Variants in AHCYL2 observed in about 807,000 individuals in gnomAD.
AHCYL2 encodes adenosylhomocysteinase like 2.
A neutral mutation model predicts 81.4 loss-of-function variants in AHCYL2; 28 were observed. The ratio of observed to expected loss-of-function variants is 0.34; its 90% CI spans 0.25 to 0.47. The LOEUF (loss-of-function observed/expected upper bound fraction) is 0.47. Ranked by LOEUF, AHCYL2 falls within the 20% of genes least tolerant of loss-of-function variation. The pLI, the probability that AHCYL2 is intolerant of heterozygous loss-of-function variation, is 1.00. For missense variants in AHCYL2, 551 were observed against 785.1 expected, an observed-to-expected ratio of 0.70 and a Z score of 3.56; for synonymous variants, 272 against 290.2, an observed-to-expected ratio of 0.94 and a Z score of 0.64.
intron 2 of AHCYL2, among the ~76,000 whole-genome samples, chr7:129,385,969 C>A (rs1795181899): frequency 6.6e-6 from 1 of 152,132 alleles, no homozygotes; most frequent in East Asian, 1.9e-4. Context: ...AGTACGGATT[C>A]AAAGAATAAA....
intron 1 of AHCYL2, among the ~76,000 whole-genome samples, chr7:129,264,727 G>A (rs1244981694): frequency 6.6e-6 from 1 of 152,186 alleles, no homozygotes; most frequent in Non-Finnish European, 1.5e-5. Flanking sequence ...CAAGGAACTC[G>A]AAGGCTAAGG....
chr7:129,353,346 G>A (rs1793633335), intron 1 of AHCYL2, among the ~76,000 whole-genome samples: 1 of 151,960 alleles, frequency 6.6e-6, no homozygotes, highest in African/African-American at 2.4e-5. Context: ...AACATGCCAA[G>A]TTCTTTCTTA....
intron 1 of AHCYL2, among the ~76,000 whole-genome samples, chr7:129,281,109 C>T (rs1373437286): frequency 1.3e-5 from 2 of 151,914 alleles, no homozygotes; most frequent in African/African-American, 4.8e-5. Flanking sequence ...ATGATCTGCC[C>T]ACCTTGGCCT....
intron 12 of AHCYL2, among the ~76,000 whole-genome samples, chr7:129,421,995 A>C (rs541928533): frequency 1.3e-5 from 2 of 152,232 alleles, no homozygotes; most frequent in African/African-American, 2.4e-5. Context: ...AATTTTATCA[A>C]ATGAGCCAAT....
At chr7:129,299,369 G>GCTTTTTTTTTTT (rs1797173366) in intron 1 of AHCYL2, among the ~76,000 whole-genome samples, 1 of 46,278 alleles carries the variant, frequency 2.2e-5, no homozygotes, top group African/African-American at 8.2e-5. Context: ...AGTCCAACTT[G>GCTTTTTTTTTTT]TTTTTTTTTT....
chr7:129,414,082 G>A (rs1197186333), intron 12 of AHCYL2, among the ~76,000 whole-genome samples: 2 of 152,222 alleles, frequency 1.3e-5, no homozygotes, highest in Non-Finnish European at 2.9e-5. Context: ...GATGAGATAA[G>A]TAGGTTGGTC....
intron 1 of AHCYL2, among the ~76,000 whole-genome samples, chr7:129,274,584 C>T (rs957838921): frequency 4.6e-5 from 7 of 152,160 alleles, no homozygotes; most frequent in Admixed American, 3.3e-4. Flanking sequence ...GCTTTAGTGA[C>T]TTGCTTAACC....
chr7:129,320,404 C>A (rs1158134144), intron 1 of AHCYL2, among the ~76,000 whole-genome samples: 1 of 152,146 alleles, frequency 6.6e-6, no homozygotes, highest in East Asian at 1.9e-4. Context: ...GCAACCTCTG[C>A]CTCCTGGGTT....
chr7:129,253,495 G>T (rs1795309303), intron 1 of AHCYL2, among the ~76,000 whole-genome samples: 1 of 152,230 alleles, frequency 6.6e-6, no homozygotes, highest in Non-Finnish European at 1.5e-5. Flanking sequence ...TATACTTAGT[G>T]CTTGTCCAAG....
chr7:129,334,733 T>C (rs984901726), intron 1 of AHCYL2, among the ~76,000 whole-genome samples: 19 of 152,098 alleles, frequency 1.2e-4, no homozygotes, highest in Non-Finnish European at 1.5e-5. Flanking sequence ...ACAAGCAGAA[T>C]TGAGAAATGC....
intron 1 of AHCYL2, among the ~76,000 whole-genome samples, chr7:129,304,433 T>C (rs1026389789): frequency 6.6e-6 from 1 of 152,228 alleles, no homozygotes; most frequent in Non-Finnish European, 1.5e-5. Flanking sequence ...CAGTGTTTCT[T>C]TGTTGATTTT....
intron 1 of AHCYL2, among the ~76,000 whole-genome samples, chr7:129,282,948 C>T (rs1409576913): frequency 6.6e-6 from 1 of 152,118 alleles, no homozygotes; most frequent in African/African-American, 2.4e-5. Flanking sequence ...AATACTCTAC[C>T]TCGTGCCTTG....
rs548316861 is a variant in AHCYL2 at position 129,347,462 on chromosome 7, A to G, written c.364-32176A>G. Among the ~76,000 whole-genome samples, 4 of 152,304 alleles carry G rather than the reference A, an allele frequency of 2.6e-5. No individual in the cohort carries two copies. In the South Asian group the frequency reaches 8.3e-4, roughly 32 times the overall value. ...AACTGCTCTTTAAACGTCTATTTTTAAAAACAGAACAGCTGTGATATGAAA... is the reference window on the plus strand; with the variant it reads ...AACTGCTCTTTAAACGTCTATTTTTGAAAACAGAACAGCTGTGATATGAAA... On this transcript the variant is annotated intron_variant, in intron 1 of 16. Transcript: ENST00000325006.
chr7:129,343,493 G>T (rs909163245), intron 1 of AHCYL2, among the ~76,000 whole-genome samples: 3 of 152,122 alleles, frequency 2.0e-5, no homozygotes, highest in East Asian at 1.9e-4. Flanking sequence ...GAAAGGGAGA[G>T]GGGGAGCTTA....
intron 8 of AHCYL2, 53 bp from the exon 9 acceptor site, chr7:129,405,783 C>T: frequency 6.5e-7 from 1 of 1,543,056 alleles, no homozygotes; most frequent in Non-Finnish European, 8.9e-7. Context: ...AATCTAACCT[C>T]AAGGGAGAAA....
intron 1 of AHCYL2, among the ~76,000 whole-genome samples, chr7:129,354,856 G>A (rs548455243): frequency 6.6e-6 from 1 of 152,296 alleles, no homozygotes; most frequent in African/African-American, 2.4e-5. Flanking sequence ...ATTGGCTCAT[G>A]ACCTTTAAAA....
At chr7:129,422,992 CCAGG>C in intron 13 of AHCYL2, 54 bp downstream of exon 13, 1 of 1,479,026 alleles carries the variant, frequency 6.8e-7, no homozygotes. Flanking sequence ...ACTGCAATAC[CCAGG>C]TCCCCTCCTC....
chr7:129,403,793 G>A (rs1263075200), intron 7 of AHCYL2, among the ~76,000 whole-genome samples: 4 of 147,504 alleles, frequency 2.7e-5, no homozygotes, highest in Admixed American at 6.8e-5. Flanking sequence ...CCCAGGAGGC[G>A]GAGCTTGCAG....
intron 1 of AHCYL2, among the ~76,000 whole-genome samples, chr7:129,325,731 T>C (rs1436139918): frequency 6.6e-6 from 1 of 151,930 alleles, no homozygotes; most frequent in Admixed American, 6.6e-5. Context: ...TCTTTTTCTT[T>C]TTTTTTTTGA....
Sources: allele counts gnomAD v4.1 joint callset (sites outside exome capture counted in the v4.1 genomes callset), GRCh38; gene constraint gnomAD v4.1.1; transcripts MANE v1.5; gene names NCBI Gene and HGNC (gene_info 2026-07-23, HGNC 2026-07-21).